PCDH15: variants seen among roughly 807,000 people sequenced by gnomAD.
PCDH15 encodes protocadherin-15.
In PCDH15, 129 loss-of-function variants were observed where a neutral mutation model predicts 178.5. The ratio of observed to expected loss-of-function variants is 0.72; its 90% CI spans 0.63 to 0.84. The LOEUF (loss-of-function observed/expected upper bound fraction) is 0.84, where lower values mean the gene tolerates loss of function less well. PCDH15 is among the 40% of genes least tolerant of loss of function. The pLI, the probability that PCDH15 is intolerant of heterozygous loss-of-function variation, is 0.00. For missense variants in PCDH15, 2,230 were observed against 2,099.9 expected (o/e 1.06, Z -1.21); for synonymous variants, 800 against 732.0 (o/e 1.09, Z -1.50).
At chr10:55,293,338 G>T (rs1220018605) in intron 1 of PCDH15, among the ~76,000 whole-genome samples, 3 of 152,176 alleles carry the variant, frequency 2.0e-5, no homozygotes, top group Non-Finnish European at 2.9e-5. Flanking sequence ...GGCCTGTGAT[G>T]GATGGGGCTG....
intron 2 of PCDH15, among the ~76,000 whole-genome samples, chr10:54,978,353 T>C (rs1564683041): frequency 6.6e-6 from 1 of 152,118 alleles, no homozygotes; most frequent in East Asian, 1.9e-4. Context: ...TTATAACTGG[T>C]AAAAATCGTG....
chr10:55,367,073 G>T (rs773777940), intron 2 of PCDH15, among the ~76,000 whole-genome samples: 1 of 151,888 alleles, frequency 6.6e-6, no homozygotes, highest in Non-Finnish European at 1.5e-5. Flanking sequence ...CTGGGGAAGT[G>T]AGGTCTACAT....
At chr10:54,871,312 T>G (rs1954035676) in intron 3 of PCDH15, among the ~76,000 whole-genome samples, 1 of 152,086 alleles carries the variant, frequency 6.6e-6, no homozygotes, top group African/African-American at 2.4e-5. Context: ...TGTCACAGAA[T>G]ATTTGTATAT....
chr10:53,984,855 C>T (rs1258261771), intron 21 of PCDH15, among the ~76,000 whole-genome samples: 1 of 152,134 alleles, frequency 6.6e-6, no homozygotes, highest in Non-Finnish European at 1.5e-5. Flanking sequence ...TATCCCCTCC[C>T]CTTTCTTCTA....
chr10:54,822,459 C>A (rs1953060540), intron 3 of PCDH15, among the ~76,000 whole-genome samples: 1 of 152,106 alleles, frequency 6.6e-6, no homozygotes, highest in East Asian at 1.9e-4. Context: ...GTGCAAATGA[C>A]AGGAGTTCAT....
chr10:55,530,089 C>T (rs1390245687), intron 2 of PCDH15, among the ~76,000 whole-genome samples: 28 of 151,638 alleles, frequency 1.8e-4, no homozygotes, highest in Non-Finnish European at 2.9e-5. Flanking sequence ...AATCTAATGT[C>T]TTATTTCACT....
chr10:54,078,752 C>A (rs1407446484), intron 17 of PCDH15, among the ~76,000 whole-genome samples: 2 of 90,640 alleles, frequency 2.2e-5, no homozygotes, highest in East Asian at 4.9e-4. Context: ...GAATGTCTAA[C>A]AATTTTTTTT....
intron 2 of PCDH15, among the ~76,000 whole-genome samples, chr10:55,358,852 A>G (rs1282292595): frequency 1.3e-5 from 2 of 152,074 alleles, no homozygotes; most frequent in Non-Finnish European, 2.9e-5. Context: ...ACTTTGTGTC[A>G]TTTTTAGGAA....
intron 2 of PCDH15, among the ~76,000 whole-genome samples, chr10:55,027,210 G>T (rs115600933): frequency 0.029 from 4,345 of 151,790 alleles, 212 homozygotes; most frequent in African/African-American, 0.099. Context: ...TTTCTTTTTT[G>T]GGAAAGGACA....
chr10:55,456,525 T>C (rs1219547742), intron 2 of PCDH15, among the ~76,000 whole-genome samples: 1 of 152,072 alleles, frequency 6.6e-6, no homozygotes, highest in Non-Finnish European at 1.5e-5. Flanking sequence ...TAAAATGTCA[T>C]TTCATGGGAG....
chr10:55,206,258 A>G (rs1386683058), intron 1 of PCDH15, among the ~76,000 whole-genome samples: 1 of 152,136 alleles, frequency 6.6e-6, no homozygotes, highest in Non-Finnish European at 1.5e-5. Context: ...TTTGTTTTTC[A>G]GATTTCAGCA....
chr10:54,460,717 G>C (rs1251036332), intron 3 of PCDH15, among the ~76,000 whole-genome samples: 6 of 152,164 alleles, frequency 3.9e-5, no homozygotes, highest in Middle Eastern at 3.4e-3. Flanking sequence ...GAGAAACATT[G>C]AGTAGACAAT....
intron 2 of PCDH15, among the ~76,000 whole-genome samples, chr10:54,649,978 A>G (rs2094217949): frequency 6.6e-6 from 1 of 152,142 alleles, no homozygotes; most frequent in South Asian, 2.1e-4. Context: ...CATTAATCAC[A>G]AATTGGGTCA....
At chr10:54,518,928 A>T (rs921136622) in intron 3 of PCDH15, among the ~76,000 whole-genome samples, 1 of 152,212 alleles carries the variant, frequency 6.6e-6, no homozygotes, top group African/African-American at 2.4e-5. Flanking sequence ...AATAAATGTA[A>T]TCCAGCATAT....
intron 2 of PCDH15, among the ~76,000 whole-genome samples, chr10:54,621,725 C>T (rs1160595232): frequency 6.6e-6 from 1 of 152,026 alleles, no homozygotes; most frequent in Non-Finnish European, 1.5e-5. Context: ...CGCACAATCT[C>T]ATCCTCCTTT....
At chr10:54,231,008 A>G (rs946664745) in intron 9 of PCDH15, among the ~76,000 whole-genome samples, 1 of 152,220 alleles carries the variant, frequency 6.6e-6, no homozygotes, top group African/African-American at 2.4e-5. Flanking sequence ...ATAGCTGTTA[A>G]CATTTACATT....
intron 3 of PCDH15, among the ~76,000 whole-genome samples, chr10:54,858,469 C>T (rs1394438969): frequency 6.6e-6 from 1 of 152,070 alleles, no homozygotes; most frequent in Admixed American, 6.6e-5. Context: ...TGGGATTAGG[C>T]CCTGATAATG....
intron 8 of PCDH15, among the ~76,000 whole-genome samples, chr10:54,260,003 A>G (rs1290567696): frequency 6.6e-6 from 1 of 152,200 alleles, no homozygotes; most frequent in Non-Finnish European, 1.5e-5. Flanking sequence ...CAGCCGCTAA[A>G]TTTATGCCAC....
intron 2 of PCDH15, among the ~76,000 whole-genome samples, chr10:55,007,145 T>A (rs1839949208): frequency 6.6e-6 from 1 of 152,180 alleles, no homozygotes; most frequent in African/African-American, 2.4e-5. Context: ...CAGACACCAC[T>A]ATGCTTCCTG....
Sources: gnomAD v4.1 joint callset for allele counts (sites outside exome capture counted in the v4.1 genomes callset) on GRCh38, gnomAD v4.1.1 for gene constraint, MANE v1.5 for transcripts, NCBI Gene and HGNC (gene_info 2026-07-23, HGNC 2026-07-21) for gene names.